DUXA: variants seen among roughly 807,000 people sequenced by gnomAD.
The protein encoded by DUXA is double homeobox protein A.
In DUXA, 25 loss-of-function variants were observed where a neutral mutation model predicts 27.5. The observed-to-expected ratio is 0.91, with a 90% CI of 0.66 to 1.27. The LOEUF is 1.27. Among genes scored for constraint, DUXA ranks in the 50% most tolerant of loss-of-function variants. The pLI, the probability that DUXA is intolerant of heterozygous loss-of-function variation, is 0.00. For synonymous variants in DUXA, 90 were observed against 80.5 expected, an observed-to-expected ratio of 1.12 and a Z score of -0.63; for missense variants, 247 against 242.9, an observed-to-expected ratio of 1.02 and a Z score of -0.11.
In DUXA at chr19:57,155,299, T is replaced by C. The variant is rs756981949; in HGVS notation, c.512A>G (p.Glu171Gly). 1 of 1,614,208 alleles carries C rather than the reference T, an allele frequency of 6.2e-7. No individual in the cohort carries two copies. Among genetic ancestry groups the C allele is most frequent in the South Asian group, 1.1e-5 (1 of 91,086 alleles). The change falls in exon 5 of 6, where the codon GAA becomes GGA. Residue 171 changes from glutamate to glycine, a missense_variant. Transcript: ENST00000554048. Reference sequence around the variant, plus strand: ...TCCCTCAGGAATCTTGCCCTGCTCTTCTTGTTCTAAGGACGCCACAGGTTC... The same window carrying C: ...TCCCTCAGGAATCTTGCCCTGCTCTCCTTGTTCTAAGGACGCCACAGGTTC... ...KREPVASLEQ[E>G]EQGKIPEGLQ... is the part of the protein sequence containing the mutation.
rs141938132 is a variant in DUXA, at chr19:57,158,838, C to T, written c.292+329G>A. Among the ~76,000 whole-genome samples, 834 of 152,274 alleles carry T rather than the reference C, an allele frequency of 5.5e-3. 8 individuals are homozygous for T. Among genetic ancestry groups the T allele is most frequent in the African/African-American group, 0.019 (800 of 41,554 alleles). On this transcript the variant is annotated intron_variant, in intron 3 of 5. Coordinates refer to ENST00000554048, the MANE Select transcript of DUXA (RefSeq NM_001012729.2). ...TCTCTACTAAAAGTACAAAAATTAG[C>T]TGGGCATAGTGGCGCGCACCTGTAA...
chr19:57,166,691 G>T (rs2087056922), intron 1 of DUXA, among the ~76,000 whole-genome samples: 1 of 152,208 alleles, frequency 6.6e-6, no homozygotes. Context: ...GATCAGTTAG[G>T]AGAAGACTGC....
Position 57,167,430 on chromosome 19 carries a change from G to A in DUXA, c.14C>T (p.Thr5Ile), listed in dbSNP as rs1194428716. The change falls in exon 1 of 6, where the codon ACC becomes ATC. Residue 5 changes from threonine (T) to isoleucine (I), a missense_variant. Thr to Ile is a moderately conservative substitution (Grantham distance 89). Coordinates refer to ENST00000554048, the MANE Select transcript of DUXA (RefSeq NM_001012729.2). ...ACAAGGGAACTTACTGTGTGAATAGGTGTCTTCGGCCATGCTGGAAGAGAG... is the reference window on the plus strand; with the variant it reads ...ACAAGGGAACTTACTGTGTGAATAGATGTCTTCGGCCATGCTGGAAGAGAG... MAED[T>I]YSHKMVKTNH... 3 of 1,613,516 alleles carry A rather than the reference G, an allele frequency of 1.9e-6. No homozygotes were observed. Among genetic ancestry groups the A allele is most frequent in the African/African-American group, 1.3e-5 (1 of 74,874 alleles).
intron 1 of DUXA, among the ~76,000 whole-genome samples, chr19:57,165,719 GGC>G (rs1568465387): frequency 6.0e-5 from 9 of 149,928 alleles, no homozygotes; most frequent in Non-Finnish European, 1.5e-5. Context: ...GCAGGAGAAT[GGC>G]ATGAACCCGG....
At chr19:57,161,424 C>T (rs997858205) in intron 1 of DUXA, among the ~76,000 whole-genome samples, 12 of 148,722 alleles carry the variant, frequency 8.1e-5, no homozygotes, top group East Asian at 7.8e-4. Context: ...GAGATCGAGA[C>T]CATCCTGGCT....
chr19:57,159,815 T>G (rs2087011095), intron 2 of DUXA, among the ~76,000 whole-genome samples: 1 of 150,438 alleles, frequency 6.6e-6, no homozygotes, highest in Non-Finnish European at 1.5e-5. Flanking sequence ...AAAAAAAAAA[T>G]TAGCCGGCCA....
chr19:57,154,714 C>T (rs1036515834), intron 5 of DUXA, among the ~76,000 whole-genome samples: 5 of 152,052 alleles, frequency 3.3e-5, no homozygotes, highest in African/African-American at 1.2e-4. Context: ...CAGGCGCCCG[C>T]CACCACGCTC....
chr19:57,160,841 T>A (rs767328975), intron 1 of DUXA, 44 bp from the exon 2 acceptor site: 1 of 1,603,244 alleles, frequency 6.2e-7, no homozygotes, highest in Non-Finnish European at 8.5e-7. Flanking sequence ...TAGGTTAATT[T>A]ATATACTCAA....
chr19:57,154,311 G>C lies in DUXA; in HGVS notation c.*101C>G. On this transcript the variant is annotated 3_prime_UTR_variant, in exon 6 of 6. Coordinates refer to ENST00000554048, the MANE Select transcript of DUXA (RefSeq NM_001012729.2). ...CCAAGTCCTTTACCATCTTCAGAAG[G>C]CTTAGCTTGCAGTTTCAGCAGAAGG... 9.0e-7 allele frequency: 1 copy of C among 1,110,256 alleles called. No individual in the cohort carries two copies. The highest frequency in any genetic ancestry group is 1.3e-6 in the Non-Finnish European group (1 of 746,308). 68.8% of individuals were successfully genotyped at this position (1,110,256 alleles called of 1,614,324 possible).
chr19:57,161,433 C>T (rs578255501), intron 1 of DUXA, among the ~76,000 whole-genome samples: 4 of 149,372 alleles, frequency 2.7e-5, no homozygotes, highest in Non-Finnish European at 5.9e-5. Context: ...ACCATCCTGG[C>T]TAACATGATG....
intron 1 of DUXA, among the ~76,000 whole-genome samples, chr19:57,165,511 A>G (rs2087049092): frequency 6.6e-6 from 1 of 151,794 alleles, no homozygotes; most frequent in Non-Finnish European, 1.5e-5. Context: ...ACGCCTATTA[A>G]AAGCCAGACC....
intron 1 of DUXA, among the ~76,000 whole-genome samples, chr19:57,165,322 A>ATATATATATATATAT (rs1484903570): frequency 1.7e-3 from 147 of 88,982 alleles, no homozygotes; most frequent in East Asian, 6.7e-3. Context: ...AAAAAAAAAA[A>ATATATATATATATAT]AAATATATAT....
intron 1 of DUXA, among the ~76,000 whole-genome samples, chr19:57,161,486 A>ATG (rs2087022779): frequency 1.4e-5 from 2 of 144,526 alleles, no homozygotes; most frequent in South Asian, 4.3e-4. Context: ...AGCCGGGCGC[A>ATG]GTGGCGGGCA....
rs189239295 is a variant in DUXA, at chr19:57,161,516, C to A, written c.26-719G>T. Among the ~76,000 whole-genome samples, 405 of 135,296 alleles carry A rather than the reference C, an allele frequency of 3.0e-3. 11 individuals are homozygous for A. The highest frequency in any genetic ancestry group is 0.012 in the African/African-American group (396 of 33,682). 88.8% of individuals were successfully genotyped at this position (135,296 alleles called of 152,430 possible). ...CGGGCACCTGTAGTCCCAGCTACTC[C>A]GGAGGCTGAGGCAGGAGAATGGCGT... On this transcript the variant is annotated intron_variant, in intron 1 of 5. Transcript: ENST00000554048.
rs71186230 is a variant in DUXA, at chr19:57,161,324, CAAAAA to C, written c.26-532_26-528del. Reference sequence around the variant, plus strand: ...TGGGTAACAGAGTGAGACTCTATCTCAAAAAAAAAAAAAAAAAAACTGGGCGCGGT... The same window carrying C: ...TGGGTAACAGAGTGAGACTCTATCTCAAAAAAAAAAAAAACTGGGCGCGGT... On this transcript the variant is annotated intron_variant, in intron 1 of 5. Coordinates refer to ENST00000554048, the MANE Select transcript of DUXA (RefSeq NM_001012729.2). Among the ~76,000 whole-genome samples, 87 of 47,376 alleles carry C rather than the reference CAAAAA, an allele frequency of 1.8e-3. 1 individual carries two copies. Among genetic ancestry groups the C allele is most frequent in the African/African-American group, 9.9e-3 (70 of 7,096 alleles). 31.1% of individuals were successfully genotyped at this position (47,376 alleles called of 152,430 possible). A position where few individuals can be genotyped will look rare whatever the true frequency, so the allele number is the denominator to read the frequency against.
intron 2 of DUXA, 84 bp from the exon 3 acceptor site, chr19:57,159,362 T>A: frequency 8.1e-7 from 1 of 1,233,204 alleles, no homozygotes; most frequent in Non-Finnish European, 1.2e-6. Flanking sequence ...TGAGCAATTC[T>A]TATTGGGCCT....
intron 1 of DUXA, among the ~76,000 whole-genome samples, chr19:57,164,587 A>AT (rs778286300): frequency 5.9e-5 from 9 of 151,758 alleles, no homozygotes; most frequent in Admixed American, 6.6e-5. Context: ...AAAAAATAAA[A>AT]TTAAAAATAA....
At chr19:57,158,668 C>T (rs1192467801) in intron 3 of DUXA, among the ~76,000 whole-genome samples, 195 bp from the exon 4 acceptor site, 1 of 152,096 alleles carries the variant, frequency 6.6e-6, no homozygotes, top group Non-Finnish European at 1.5e-5. Flanking sequence ...TATGTCTGGG[C>T]TTCTGGACTC....
chr19:57,159,190 T>G lies in DUXA; in HGVS notation c.269A>C (p.Asp90Ala), dbSNP rs1438306504. 6.2e-7 allele frequency: 1 copy of G among 1,614,042 alleles called. No homozygotes were observed. The highest frequency in any genetic ancestry group is 1.1e-5 in the South Asian group (1 of 91,084). ...ACTTTGAAACTCCACACCAGGTTGA[T>G]CTTGCCCCTGGCTCTGGCTTGATTC... ...TLESSQSQGQ[D>A]QPGVEFQSRE... The change falls in exon 3 of 6, where the codon GAT (aspartate) becomes GCT (alanine). Residue 90 changes from aspartate (D) to alanine (A), a missense_variant. Asp to Ala is a moderately radical substitution (Grantham distance 126, BLOSUM62 -2). Transcript: ENST00000554048.
Sources: gnomAD v4.1 joint callset for allele counts (sites outside exome capture counted in the v4.1 genomes callset) on GRCh38, gnomAD v4.1.1 for gene constraint, MANE v1.5 for transcripts, NCBI Gene and HGNC (gene_info 2026-07-23, HGNC 2026-07-21) for gene names.